The following PDE1C variants were observed in gnomAD, a reference collection of about 807,000 sequenced individuals.
PDE1C encodes dual specificity calcium/calmodulin-dependent 3',5'-cyclic nucleotide phosphodiesterase 1C.
A neutral mutation model predicts 93.1 loss-of-function variants in PDE1C; 62 were observed. That is an observed-to-expected ratio of 0.67 (90% confidence interval 0.54 to 0.82). PDE1C has a LOEUF of 0.82. PDE1C is among the 40% of genes least tolerant of loss of function. The pLI is 0.00. For missense variants in PDE1C, 742 were observed against 884.6 expected, an observed-to-expected ratio of 0.84 and a Z score of 2.04; for synonymous variants, 325 against 310.1, an observed-to-expected ratio of 1.05 and a Z score of -0.50.
chr7:32,140,256 C>A (rs967543294), intron 3 of PDE1C, among the ~76,000 whole-genome samples: 7 of 152,144 alleles, frequency 4.6e-5, no homozygotes, highest in African/African-American at 1.7e-4. Flanking sequence ...GATGAAGTTA[C>A]AGTGGTCACC....
At chr7:32,035,001 C>G (rs1298762156) in intron 2 of PDE1C, among the ~76,000 whole-genome samples, 1 of 152,108 alleles carries the variant, frequency 6.6e-6, no homozygotes, top group African/African-American at 2.4e-5. Flanking sequence ...CAATCATACT[C>G]TATTATTTAA....
At chr7:32,104,178 C>T (rs1798177512) in intron 3 of PDE1C, among the ~76,000 whole-genome samples, 1 of 152,092 alleles carries the variant, frequency 6.6e-6, no homozygotes, top group African/African-American at 2.4e-5. Context: ...TTAAAAGGGT[C>T]CTCACACTGC....
At chr7:31,841,227 C>CTCTCTCTCTATATATATATA (rs751320538) in intron 9 of PDE1C, among the ~76,000 whole-genome samples, 1 of 142,262 alleles carries the variant, frequency 7.0e-6, no homozygotes, top group African/African-American at 2.6e-5. Context: ...CTCTCTCTCT[C>CTCTCTCTCTATATATATATA]TATATATATA....
intron 3 of PDE1C, among the ~76,000 whole-genome samples, chr7:32,082,485 C>T (rs1796749410): frequency 6.6e-6 from 1 of 152,242 alleles, no homozygotes; most frequent in Non-Finnish European, 1.5e-5. Context: ...TTAAATGTCC[C>T]TGTCTGACAG....
chr7:31,749,629 TAGA>T (rs1331166998), downstream of PDE1C, among the ~76,000 whole-genome samples: 5 of 151,984 alleles, frequency 3.3e-5, no homozygotes, highest in African/African-American at 1.2e-4. Flanking sequence ...AAGGTCTTGG[TAGA>T]AGAAGGGCGA....
At chr7:31,889,312 C>A (rs1011966046) in intron 2 of PDE1C, among the ~76,000 whole-genome samples, 6 of 152,176 alleles carry the variant, frequency 3.9e-5, no homozygotes, top group African/African-American at 1.4e-4. Context: ...CAACATCCAG[C>A]TGGTATGTGT....
chr7:31,979,877 G>C (rs1024203602), intron 2 of PDE1C, among the ~76,000 whole-genome samples: 2 of 152,288 alleles, frequency 1.3e-5, no homozygotes, highest in Admixed American at 6.5e-5. Context: ...CCATCTTCCT[G>C]ACAGGTGACA....
At chr7:31,646,399 C>T in the PDE1C span, among the ~76,000 whole-genome samples, 1 of 152,070 alleles carries the variant, frequency 6.6e-6, no homozygotes, top group African/African-American at 2.4e-5. Flanking sequence ...GGAGCAGATT[C>T]GCAGGTAGAA....
At chr7:32,030,583 CA>C (rs1225640763) in intron 2 of PDE1C, among the ~76,000 whole-genome samples, 5 of 151,984 alleles carry the variant, frequency 3.3e-5, no homozygotes, top group Non-Finnish European at 7.4e-5. Context: ...GTTACCTGGG[CA>C]TATTGAATAT....
chr7:32,005,702 GA>G (rs1786153717), intron 2 of PDE1C, among the ~76,000 whole-genome samples: 1 of 151,802 alleles, frequency 6.6e-6, no homozygotes, highest in South Asian at 2.1e-4. Context: ...ACACTAGAAG[GA>G]ACCACACCCA....
intron 2 of PDE1C, among the ~76,000 whole-genome samples, chr7:31,901,530 G>T (rs1799978714): frequency 6.6e-6 from 1 of 151,134 alleles, no homozygotes; most frequent in Non-Finnish European, 1.5e-5. Flanking sequence ...GGATGGAAAA[G>T]CTTACCATTT....
intron 1 of PDE1C, among the ~76,000 whole-genome samples, chr7:32,328,292 T>C (rs966855582): frequency 3.3e-5 from 5 of 152,200 alleles, no homozygotes; most frequent in African/African-American, 1.2e-4. Flanking sequence ...CCTTTCAGTC[T>C]CCCTGCTTCC....
chr7:31,866,436 G>A (rs899287938), intron 6 of PDE1C, among the ~76,000 whole-genome samples: 6 of 152,154 alleles, frequency 3.9e-5, no homozygotes, highest in Non-Finnish European at 8.8e-5. Flanking sequence ...GGCTGTGTGT[G>A]TGCACAGGAA....
At chr7:32,407,148 G>A (rs999741543) in intron 1 of PDE1C, among the ~76,000 whole-genome samples, 9 of 151,940 alleles carry the variant, frequency 5.9e-5, no homozygotes, top group Admixed American at 1.3e-4. Flanking sequence ...AGTGGTGGGC[G>A]CCTATAATCC....
At chr7:31,730,609 G>C in the PDE1C span, among the ~76,000 whole-genome samples, 1 of 152,144 alleles carries the variant, frequency 6.6e-6, no homozygotes, top group East Asian at 1.9e-4. Flanking sequence ...TTATTTTTCC[G>C]GTTGGAAAGT....
At chr7:31,879,316 G>A (rs755993800) in intron 3 of PDE1C, 138 bp from the exon 4 acceptor site, 8 of 784,978 alleles carry the variant, frequency 1.0e-5, no homozygotes, top group African/African-American at 1.7e-5. Flanking sequence ...AAAAAATACA[G>A]TGCCTTTTTG....
rs182323268 is a variant in PDE1C at position 32,218,225 on chromosome 7, C to T, written c.86-8686G>A. ...ATCACAACCCCCACTCTGTTCCTTTCCCACTTCTTTATTCAGAAATGCTCA... is the reference window on the plus strand; with the variant it reads ...ATCACAACCCCCACTCTGTTCCTTTTCCACTTCTTTATTCAGAAATGCTCA... On this transcript the variant is annotated intron_variant, in intron 1 of 18. Coordinates refer to the PDE1C transcript ENST00000396193. Among the ~76,000 whole-genome samples the T allele has an allele frequency of 7.6e-4, 116 of 152,376 alleles. 1 individual carries two copies. The highest frequency in any genetic ancestry group is 2.6e-3 in the African/African-American group (110 of 41,590).
At chr7:32,022,990 CA>C (rs780740717) in intron 2 of PDE1C, among the ~76,000 whole-genome samples, 1 of 149,974 alleles carries the variant, frequency 6.7e-6, no homozygotes, top group Non-Finnish European at 1.5e-5. Flanking sequence ...CATTTAAAAG[CA>C]AACCGGAAGA....
intron 1 of PDE1C, among the ~76,000 whole-genome samples, chr7:32,063,948 T>C (rs933419853): frequency 6.6e-6 from 1 of 152,242 alleles, no homozygotes; most frequent in Non-Finnish European, 1.5e-5. Context: ...TTCGTATCCC[T>C]TCTGAAGCTC....
Sources: allele counts gnomAD v4.1 joint callset (sites outside exome capture counted in the v4.1 genomes callset), GRCh38; gene constraint gnomAD v4.1.1; transcripts MANE v1.5; gene names NCBI Gene and HGNC (gene_info 2026-07-23, HGNC 2026-07-21).